PGR: variants seen among roughly 807,000 people sequenced by gnomAD.
The protein encoded by PGR is nuclear receptor subfamily 3 group C member 3.
PGR carries 25 observed loss-of-function variants against 76.1 expected under a neutral mutation model. The observed-to-expected ratio is 0.33, with a 90% CI of 0.24 to 0.46. PGR has a LOEUF of 0.46. Among genes scored for constraint, PGR ranks in the 20% least tolerant of loss-of-function variants. The pLI is 1.00. For missense variants in PGR, 1,172 were observed against 1,225.3 expected (o/e 0.96, Z 0.65); for synonymous variants, 579 against 535.0 (o/e 1.08, Z -1.14).
chr11:101,048,426 T>C (rs1209988407), intron 6 of PGR, among the ~76,000 whole-genome samples: 1 of 152,140 alleles, frequency 6.6e-6, no homozygotes, highest in African/African-American at 2.4e-5. Flanking sequence ...TGTGTGATTA[T>C]CACAGAGTGT....
intron 2 of PGR, among the ~76,000 whole-genome samples, chr11:101,111,710 C>A (rs967836859): frequency 4.3e-4 from 65 of 152,076 alleles, no homozygotes; most frequent in Admixed American, 2.4e-3. Context: ...CCAGAGAAAA[C>A]CCTAAGTAGA....
rs1859508428 is a variant in PGR, at chr11:101,036,129, C to G, written c.*2987G>C. ...ACAGTGCCCATCATCAAACACATGA[C>G]TATCTGTGGATAATTTAAGTTACAG... On this transcript the variant is annotated 3_prime_UTR_variant, in exon 8 of 8. Transcript: ENST00000325455. The G allele has an allele frequency of 4.6e-6, 1 of 217,566 alleles. No individual in the cohort carries two copies. Among genetic ancestry groups the G allele is most frequent in the South Asian group, 1.8e-4 (1 of 5,420 alleles). The allele number at this position is 217,566 out of a possible 1,614,324, so 13.5% of individuals were successfully genotyped here.
Position 101,129,086 on chromosome 11 carries a change from C to T in PGR, c.-16G>A, listed in dbSNP as rs1462227729. The T allele has an allele frequency of 4.0e-6, 6 of 1,491,564 alleles. No individual in the cohort carries two copies. The highest frequency in any genetic ancestry group is 2.7e-6 in the Non-Finnish European group (3 of 1,121,322). 92.4% of individuals were successfully genotyped at this position (1,491,564 alleles called of 1,614,324 possible). A position where few individuals can be genotyped will look rare whatever the true frequency, so the allele number is the denominator to read the frequency against. On this transcript the variant is annotated 5_prime_UTR_variant, in exon 1 of 8. Coordinates refer to ENST00000325455, the MANE Select transcript of PGR (RefSeq NM_000926.4). The stretch of plus-strand genomic sequence containing the variant: ...GCTCAGTCATGACGACTGGACTCCC[C>T]TTTTCTCCTCCCCCGTCTCCAGGAG...
Position 101,035,595 on chromosome 11 carries a change from G to A in PGR, c.*3521C>T, listed in dbSNP as rs1859483111. 3 of 232,004 alleles carry A rather than the reference G, an allele frequency of 1.3e-5. No homozygotes were observed. The highest frequency in any genetic ancestry group is 1.8e-4 in the South Asian group (1 of 5,520). 14.4% of individuals were successfully genotyped at this position (232,004 alleles called of 1,614,324 possible). The stretch of plus-strand genomic sequence containing the variant: ...AATAATTTGAGCATGGGTTTTTGGA[G>A]GGGCTGTGTTCTAGTCAGGCTCTCT... On this transcript the variant is annotated 3_prime_UTR_variant, in exon 8 of 8. Transcript: ENST00000325455.
chr11:101,124,717 A>G (rs1862785930), intron 2 of PGR, among the ~76,000 whole-genome samples: 1 of 152,182 alleles, frequency 6.6e-6, no homozygotes, highest in African/African-American at 2.4e-5. Context: ...ACTTTTCCAC[A>G]CAAAGAACTT....
rs1276455571 is a variant in PGR at position 101,129,095 on chromosome 11, T to C, written c.-25A>G. On this transcript the variant is annotated 5_prime_UTR_variant, in exon 1 of 8. Coordinates refer to ENST00000325455, the MANE Select transcript of PGR (RefSeq NM_000926.4). ...TGACGACTGGACTCCCCTTTTCTCCTCCCCCGTCTCCAGGAGGAGGGAAAA... is the reference window on the plus strand; with the variant it reads ...TGACGACTGGACTCCCCTTTTCTCCCCCCCCGTCTCCAGGAGGAGGGAAAA... 2 of 1,385,758 alleles carry C rather than the reference T, an allele frequency of 1.4e-6. No homozygotes were observed. The highest frequency in any genetic ancestry group is 2.9e-5 in the Admixed American group (1 of 34,844). The allele number at this position is 1,385,758 out of a possible 1,614,324, so 85.8% of individuals were successfully genotyped here.
chr11:101,044,156 T>C (rs1273244581), intron 6 of PGR, among the ~76,000 whole-genome samples: 1 of 152,240 alleles, frequency 6.6e-6, no homozygotes, highest in Non-Finnish European at 1.5e-5. Context: ...AAACCTGTTT[T>C]TTAGCACAGC....
rs1425855537 is a variant in PGR, at chr11:101,126,136, T to C, written c.1660A>G (p.Ser554Gly). The C allele has an allele frequency of 6.2e-7, 1 of 1,614,046 alleles. No homozygotes were observed. The highest frequency in any genetic ancestry group is 8.5e-7 in the Non-Finnish European group (1 of 1,180,018). Residue 554 changes from serine to glycine, a missense_variant, in exon 2 of 8, where the codon AGC (serine) becomes GGC (glycine). Ser to Gly is a moderately conservative substitution (Grantham distance 56). Transcript: ENST00000325455. ...AATGACTCGAAGCTGTATTGTGGGC[T>C]CTGGCTGGCTTCTGAATCCGGCCTT... is the stretch of plus-strand genomic sequence containing the variant. ...YLRPDSEASQ[S>G]PQYSFESLPQ... is the part of the protein sequence containing the mutation.
chr11:101,080,868 G>A (rs1038949402), intron 3 of PGR, among the ~76,000 whole-genome samples: 4 of 151,948 alleles, frequency 2.6e-5, no homozygotes, highest in African/African-American at 7.2e-5. Flanking sequence ...GGATCAAGCA[G>A]AAGAAAAAAT....
chr11:101,117,797 G>T (rs1862556937), intron 2 of PGR, among the ~76,000 whole-genome samples: 1 of 152,126 alleles, frequency 6.6e-6, no homozygotes, highest in Non-Finnish European at 1.5e-5. Context: ...AACTACTGCA[G>T]ACACATCTCT....
At position 101,111,247 on chromosome 11, in the gene PGR, T is replaced by G. The variant is rs117248922; in HGVS notation, c.1789+14760A>C. Among the ~76,000 whole-genome samples, 305 of 152,248 alleles carry G rather than the reference T, an allele frequency of 2.0e-3. 7 individuals carry two copies. In the East Asian group the frequency reaches 0.052, roughly 26 times the overall value. On this transcript the variant is annotated intron_variant, in intron 2 of 7. Transcript: ENST00000325455. ...AACCTCCCTCCCTAGCCTCTCACAT[T>G]TTTTAGAATTCTTCCTAGAGAAAGG...
At chr11:101,051,641 T>C (rs556012358) in intron 4 of PGR, 73 bp from the exon 5 acceptor site, 9 of 1,158,030 alleles carry the variant, frequency 7.8e-6, no homozygotes, top group Admixed American at 1.7e-5. Flanking sequence ...AAAATACATA[T>C]AAATCTGAAA....
At chr11:101,054,109 C>G (rs951951757) in intron 4 of PGR, among the ~76,000 whole-genome samples, 4 of 152,154 alleles carry the variant, frequency 2.6e-5, no homozygotes, top group Non-Finnish European at 4.4e-5. Context: ...TTCAGATGTG[C>G]CTTGGCTTCT....
chr11:101,119,895 A>C (rs964758739), intron 2 of PGR, among the ~76,000 whole-genome samples: 2 of 152,350 alleles, frequency 1.3e-5, no homozygotes, highest in East Asian at 3.9e-4. Context: ...AGACCTCCTG[A>C]ATAGTAGAAA....
At chr11:101,051,662 G>C in intron 4 of PGR, 94 bp from the exon 5 acceptor site, 1 of 893,162 alleles carries the variant, frequency 1.1e-6, no homozygotes, top group South Asian at 1.3e-5. Flanking sequence ...ATAGGTATGC[G>C]TAGGGTAATA....
intron 3 of PGR, among the ~76,000 whole-genome samples, chr11:101,066,280 T>C (rs1381034616): frequency 2.6e-5 from 4 of 152,222 alleles, no homozygotes; most frequent in African/African-American, 9.6e-5. Context: ...AGTCCTGGTC[T>C]TAACCCGGGT....
chr11:101,046,030 G>A (rs2135385838), intron 6 of PGR, among the ~76,000 whole-genome samples: 1 of 151,976 alleles, frequency 6.6e-6, no homozygotes, highest in Non-Finnish European at 1.5e-5. Flanking sequence ...ATTTCCCTCA[G>A]CTGTAAACAT....
At chr11:101,113,369 C>T (rs77031308) in intron 2 of PGR, among the ~76,000 whole-genome samples, 1 of 151,642 alleles carries the variant, frequency 6.6e-6, no homozygotes. Context: ...TCATGCCATT[C>T]TCCTGCCTCA....
At chr11:101,110,552 T>G (rs527287030) in intron 2 of PGR, among the ~76,000 whole-genome samples, 17 of 152,308 alleles carry the variant, frequency 1.1e-4, no homozygotes, top group African/African-American at 3.6e-4. Context: ...GTCTCATGGA[T>G]GAGCAAAGAA....
Sources: gnomAD v4.1 joint callset for allele counts (sites outside exome capture counted in the v4.1 genomes callset) on GRCh38, gnomAD v4.1.1 for gene constraint, MANE v1.5 for transcripts, NCBI Gene and HGNC (gene_info 2026-07-23, HGNC 2026-07-21) for gene names.